Variants in PARN observed in about 807,000 individuals in gnomAD.
PARN encodes the protein poly(A)-specific ribonuclease PARN.
In PARN, 71 loss-of-function variants were observed where a neutral mutation model predicts 102.8. The observed-to-expected ratio is 0.69, with a 90% CI of 0.57 to 0.84. PARN has a LOEUF of 0.84. PARN is among the 40% of genes least tolerant of loss of function. The pLI is 0.00. For missense variants in PARN, 782 were observed against 760.9 expected (o/e 1.03, Z -0.33); for synonymous variants, 261 against 252.9 (o/e 1.03, Z -0.30).
chr16:14,604,125 G>A (rs746319264), intron 11 of PARN, 21 bp downstream of exon 11: 3 of 1,482,058 alleles, frequency 2.0e-6, no homozygotes, highest in South Asian at 2.3e-5. Context: ...CACCCCCCAA[G>A]AATTAACATA....
intron 21 of PARN, among the ~76,000 whole-genome samples, chr16:14,542,285 C>A (rs1315370472): frequency 2.0e-5 from 3 of 151,532 alleles, no homozygotes; most frequent in African/African-American, 7.3e-5. Context: ...TGATTACAGT[C>A]ATGAGCCAAC....
chr16:14,590,847 T>C (rs554141176), intron 13 of PARN, among the ~76,000 whole-genome samples: 1 of 152,250 alleles, frequency 6.6e-6, no homozygotes, highest in South Asian at 2.1e-4. Flanking sequence ...GTAATCAAAA[T>C]GCTGACGGAA....
At chr16:14,499,675 A>G (rs1048054204) in intron 21 of PARN, among the ~76,000 whole-genome samples, 1 of 152,196 alleles carries the variant, frequency 6.6e-6, no homozygotes, top group African/African-American at 2.4e-5. Context: ...GTAAAAACCA[A>G]CTGGTTAGAT....
intron 22 of PARN, among the ~76,000 whole-genome samples, chr16:14,474,136 G>A (rs1178894567): frequency 1.3e-5 from 2 of 151,994 alleles, no homozygotes; most frequent in Non-Finnish European, 2.9e-5. Context: ...GGGACTATAG[G>A]CATGGGCCAC....
At chr16:14,612,528 G>A (rs949377102) in intron 6 of PARN, among the ~76,000 whole-genome samples, 1 of 152,232 alleles carries the variant, frequency 6.6e-6, no homozygotes, top group African/African-American at 2.4e-5. Flanking sequence ...TGAAGACAAT[G>A]AGGGGAAAAA....
intron 6 of PARN, among the ~76,000 whole-genome samples, chr16:14,613,054 A>G (rs1166535283): frequency 6.6e-6 from 1 of 152,048 alleles, no homozygotes; most frequent in Non-Finnish European, 1.5e-5. Flanking sequence ...TCACGCCTGT[A>G]ATCCCAGAAC....
At chr16:14,512,953 G>A (rs185720988) in intron 21 of PARN, among the ~76,000 whole-genome samples, 2 of 151,982 alleles carry the variant, frequency 1.3e-5, no homozygotes, top group African/African-American at 4.8e-5. Flanking sequence ...ATGGAGTCTC[G>A]CTCTGTCACC....
intron 22 of PARN, among the ~76,000 whole-genome samples, chr16:14,459,862 AT>A (rs1961868178): frequency 6.6e-6 from 1 of 152,174 alleles, no homozygotes; most frequent in East Asian, 1.9e-4. Flanking sequence ...TGACCAAATG[AT>A]TTTTGACTAA....
chr16:14,528,014 G>C (rs1966099517), intron 21 of PARN, among the ~76,000 whole-genome samples: 1 of 152,166 alleles, frequency 6.6e-6, no homozygotes, highest in African/African-American at 2.4e-5. Context: ...CGTGAAAACT[G>C]AATTGTGGGT....
chr16:14,472,971 G>A (rs1962833922), intron 22 of PARN, among the ~76,000 whole-genome samples: 1 of 152,110 alleles, frequency 6.6e-6, no homozygotes, highest in Non-Finnish European at 1.5e-5. Flanking sequence ...AACTTATAAA[G>A]AGGGCACAAA....
chr16:14,514,175 G>T (rs1965341715), intron 21 of PARN, among the ~76,000 whole-genome samples: 1 of 152,120 alleles, frequency 6.6e-6, no homozygotes, highest in Non-Finnish European at 1.5e-5. Context: ...TTAATTTAAT[G>T]TAATGTCATT....
At chr16:14,453,464 T>C (rs747748706) in intron 22 of PARN, among the ~76,000 whole-genome samples, 3 of 152,224 alleles carry the variant, frequency 2.0e-5, no homozygotes, top group Non-Finnish European at 4.4e-5. Flanking sequence ...ATTATTTACA[T>C]GCAATGGAAT....
chr16:14,522,621 G>A (rs1228580743), intron 21 of PARN, among the ~76,000 whole-genome samples: 1 of 152,102 alleles, frequency 6.6e-6, no homozygotes, highest in Non-Finnish European at 1.5e-5. Flanking sequence ...ACAAGACCAG[G>A]TACAGGGGAC....
intron 23 of PARN, among the ~76,000 whole-genome samples, chr16:14,441,659 G>A (rs549575555): frequency 7.9e-5 from 12 of 152,354 alleles, no homozygotes; most frequent in Admixed American, 6.5e-4. Flanking sequence ...GCACAAATGC[G>A]CACTGAGTGC....
chr16:14,552,965 T>G (rs1567377165), intron 20 of PARN, among the ~76,000 whole-genome samples: 1 of 151,600 alleles, frequency 6.6e-6, no homozygotes, highest in East Asian at 1.9e-4. Context: ...ATAATAATAA[T>G]AATAATAGTG....
At chr16:14,597,893 C>T (rs1970621880) in intron 12 of PARN, among the ~76,000 whole-genome samples, 1 of 152,076 alleles carries the variant, frequency 6.6e-6, no homozygotes, top group Non-Finnish European at 1.5e-5. Flanking sequence ...CCTGTAAACC[C>T]AGTATCTTGG....
In PARN at chr16:14,535,413, C is replaced by T. The variant is rs1966568230; in HGVS notation, c.1480+16608G>A. Among the ~76,000 whole-genome samples, 3 of 152,160 alleles carry T rather than the reference C, an allele frequency of 2.0e-5. No individual in the cohort carries two copies. The South Asian group carries it at 6.2e-4, about 31-fold the overall frequency. The stretch of plus-strand genomic sequence containing the variant: ...AAATTACATCTTTTCTAAGAAAAGA[C>T]AAGTTGTACAAATACTCAACAGTGG... On this transcript the variant is annotated intron_variant, in intron 21 of 23. Coordinates refer to ENST00000437198, the MANE Select transcript of PARN (RefSeq NM_002582.4).
intron 8 of PARN, 105 bp from the exon 9 acceptor site, chr16:14,608,424 A>G: frequency 2.9e-6 from 2 of 686,856 alleles, no homozygotes; most frequent in East Asian, 2.8e-5. Context: ...AGACTTCATT[A>G]GAACTGATAG....
intron 21 of PARN, among the ~76,000 whole-genome samples, chr16:14,518,459 C>T (rs1160675371): frequency 6.6e-6 from 1 of 151,688 alleles, no homozygotes; most frequent in Admixed American, 6.6e-5. Context: ...TTCAGATTGG[C>T]TAGCAAAGCA....
Sources: allele counts gnomAD v4.1 joint callset (sites outside exome capture counted in the v4.1 genomes callset), GRCh38; gene constraint gnomAD v4.1.1; transcripts MANE v1.5; gene names NCBI Gene and HGNC (gene_info 2026-07-23, HGNC 2026-07-21).